Variants in MET observed in about 807,000 individuals in gnomAD.
MET encodes hepatocyte growth factor receptor.
MET carries 48 observed loss-of-function variants against 133.1 expected under a neutral mutation model. The observed-to-expected ratio is 0.36, with a 90% confidence interval of 0.29 to 0.46. The LOEUF (loss-of-function observed/expected upper bound fraction) is 0.46. Among genes scored for constraint, MET ranks in the 20% least tolerant of loss-of-function variants. The pLI, the probability that MET is intolerant of heterozygous loss-of-function variation, is 1.00. For missense variants in MET, 1,442 were observed against 1,695.9 expected, an observed-to-expected ratio of 0.85 and a Z score of 2.63; for synonymous variants, 628 against 616.5, an observed-to-expected ratio of 1.02 and a Z score of -0.28.
At chr7:116,746,767 C>A (rs1011614502) in intron 5 of MET, among the ~76,000 whole-genome samples, 1 of 136,238 alleles carries the variant, frequency 7.3e-6, no homozygotes, top group Non-Finnish European at 1.5e-5. Context: ...ATATCACACA[C>A]CGGGGCCTGT....
chr7:116,791,155 C>T (rs1209152972), intron 19 of MET, among the ~76,000 whole-genome samples: 2 of 152,286 alleles, frequency 1.3e-5, no homozygotes, highest in East Asian at 1.9e-4. Flanking sequence ...ATGGCTATGA[C>T]ATTTGCTTGA....
At chr7:116,755,135 C>T (rs181449499) in intron 5 of MET, among the ~76,000 whole-genome samples, 1 of 152,322 alleles carries the variant, frequency 6.6e-6, no homozygotes, top group Non-Finnish European at 1.5e-5. Context: ...CTGAAAACAA[C>T]TTGTTTCATT....
In MET at chr7:116,757,661, G is replaced by A. The variant is rs201180585; in HGVS notation, c.1989G>A (p.Ser663=). 3.0e-5 allele frequency: 48 copies of A among 1,613,660 alleles called. No individual in the cohort carries two copies. The highest frequency in any genetic ancestry group is 2.1e-4 in the African/African-American group (16 of 74,838). ...AGGATCCTGTAATAACAAGTATTTC[G>A]CCGAAATACGGTCCTATGGCTGGTG... The part of the protein sequence containing the change: ...SYVDPVITSI[S]PKYGPMAGGT... Residue 663 remains serine (S), a synonymous_variant, in exon 8 of 21, where the codon TCG becomes TCA. Transcript: ENST00000397752.
At chr7:116,711,306 C>A (rs980387264) in intron 2 of MET, among the ~76,000 whole-genome samples, 1 of 152,208 alleles carries the variant, frequency 6.6e-6, no homozygotes, top group Admixed American at 6.5e-5. Flanking sequence ...TTTACACAAC[C>A]TTGCTCAGTC....
At position 116,772,017 on chromosome 7, in the gene MET, A is replaced by G. The variant is rs1794852692; in HGVS notation, c.3028+28A>G. ...ATATTTCAGTTTATTGTTCTGAGAA[A>G]TACCTATACATATACCTCAGTGGGT... On this transcript the variant is annotated intron_variant, in intron 14 of 20. Transcript: ENST00000397752. 5.0e-6 allele frequency: 8 copies of G among 1,610,896 alleles called. No homozygotes were observed. The highest frequency in any genetic ancestry group is 1.3e-5 in the African/African-American group (1 of 74,860).
intron 19 of MET, among the ~76,000 whole-genome samples, chr7:116,784,446 T>G (rs1795249791): frequency 6.6e-6 from 1 of 152,172 alleles, no homozygotes; most frequent in African/African-American, 2.4e-5. Flanking sequence ...TTCTGCAGAC[T>G]CTACAGGAAG....
At position 116,699,722 on chromosome 7, in the gene MET, C is replaced by T. The variant is rs367722737; in HGVS notation, c.638C>T (p.Ser213Leu). 4.3e-6 allele frequency: 7 copies of T among 1,614,002 alleles called. No homozygotes were observed. The highest frequency in any genetic ancestry group is 2.2e-5 in the East Asian group (1 of 44,880). The change falls in exon 2 of 21, where the codon TCG becomes TTG. Residue 213 changes from serine to leucine, a missense_variant. By Grantham distance (145) the Ser-to-Leu change is moderately radical. Around this residue, in one of 6 missense-constraint regions of MET, gnomAD observed 762 missense variants for 792.4 expected, o/e 0.96. Transcript: ENST00000397752. ...TATTTCCCAGATCATCCATTGCATT[C>T]GATATCAGTGAGAAGGCTAAAGGAA... ...SSYFPDHPLHSISVRRLKETK... is the reference protein window; with the variant it reads ...SSYFPDHPLHLISVRRLKETK...
At chr7:116,746,540 A>G (rs1352892055) in intron 5 of MET, among the ~76,000 whole-genome samples, 5 of 152,228 alleles carry the variant, frequency 3.3e-5, no homozygotes, top group Non-Finnish European at 7.3e-5. Context: ...CAAATGTCCA[A>G]CAATGATAGA....
intron 7 of MET, 40 bp downstream of exon 7, chr7:116,757,579 A>C: frequency 6.2e-7 from 1 of 1,612,322 alleles, no homozygotes; most frequent in Non-Finnish European, 8.5e-7. Context: ...ATTTTTACTT[A>C]ATCTATTTAA....
At chr7:116,784,339 C>T (rs953306848) in intron 19 of MET, among the ~76,000 whole-genome samples, 5 of 152,284 alleles carry the variant, frequency 3.3e-5, no homozygotes, top group Admixed American at 2.6e-4. Flanking sequence ...TCAGATTAGA[C>T]TGCAATCTTT....
intron 1 of MET, among the ~76,000 whole-genome samples, chr7:116,676,667 G>T (rs1001958761): frequency 2.0e-5 from 3 of 152,178 alleles, no homozygotes; most frequent in African/African-American, 7.2e-5. Context: ...GTGAGGTCAG[G>T]GAAGGCTTGT....
chr7:116,795,866 A>C (rs761419338), intron 20 of MET, 21 bp from the exon 21 acceptor site: 1 of 1,614,156 alleles, frequency 6.2e-7, no homozygotes, highest in Admixed American at 1.7e-5. Flanking sequence ...CTCTTACAGC[A>C]TGTCTTTCTT....
At chr7:116,787,727 A>G (rs1453372149) in intron 19 of MET, among the ~76,000 whole-genome samples, 1 of 152,242 alleles carries the variant, frequency 6.6e-6, no homozygotes, top group Non-Finnish European at 1.5e-5. Context: ...ACTTTGGGGG[A>G]CACATTCAAA....
intron 11 of MET, among the ~76,000 whole-genome samples, chr7:116,768,493 A>G (rs1794711876): frequency 6.6e-6 from 1 of 152,168 alleles, no homozygotes; most frequent in South Asian, 2.1e-4. Flanking sequence ...TGCTTCTAGA[A>G]GTATCATAAG....
At chr7:116,696,114 C>T (rs779763150) in intron 1 of MET, among the ~76,000 whole-genome samples, 1 of 152,072 alleles carries the variant, frequency 6.6e-6, no homozygotes, top group Non-Finnish European at 1.5e-5. Context: ...AGTGATCTGC[C>T]CACCTCAGCC....
chr7:116,754,983 G>GGAAAGAAAGAAAGAAAGAAA (rs10674901), intron 5 of MET, among the ~76,000 whole-genome samples: 4,189 of 78,554 alleles, frequency 0.053, 311 homozygotes, highest in South Asian at 0.061. Context: ...AGCAGAGAAA[G>GGAAAGAAAGAAAGAAAGAAA]GAAAGAAAGA....
At chr7:116,738,321 C>T (rs1306050081) in intron 3 of MET, among the ~76,000 whole-genome samples, 1 of 151,992 alleles carries the variant, frequency 6.6e-6, no homozygotes, top group Non-Finnish European at 1.5e-5. Flanking sequence ...AATTGGGTAA[C>T]CAAAATCTGG....
chr7:116,719,402 T>A (rs1792386182), intron 2 of MET, among the ~76,000 whole-genome samples: 1 of 152,188 alleles, frequency 6.6e-6, no homozygotes. Flanking sequence ...CTTTGTCAGA[T>A]GAGTAGGTTG....
intron 14 of MET, 114 bp from the exon 15 acceptor site, chr7:116,774,767 C>A (rs2117028267): frequency 1.2e-6 from 1 of 808,312 alleles, no homozygotes; most frequent in Non-Finnish European, 2.0e-6. Context: ...GTATCTTTTC[C>A]CAATTTATTA....
Sources: gnomAD v4.1 joint callset for allele counts (sites outside exome capture counted in the v4.1 genomes callset) on GRCh38, gnomAD v4.1.1 for gene constraint, gnomAD v4.1.1 regional missense constraint, MANE v1.5 for transcripts, NCBI Gene and HGNC (gene_info 2026-07-23, HGNC 2026-07-21) for gene names.